The following KIF26B variants were observed in gnomAD, a reference collection of about 807,000 sequenced individuals.
The protein encoded by KIF26B is kinesin-like protein KIF26B.
KIF26B carries 63 observed loss-of-function variants against 151.2 expected under a neutral mutation model. The ratio of observed to expected loss-of-function variants is 0.42; its 90% confidence interval spans 0.34 to 0.51. The LOEUF (loss-of-function observed/expected upper bound fraction) is 0.51. KIF26B is among the 20% of genes least tolerant of loss of function. The probability of loss-of-function intolerance (pLI) is 0.07; values close to 1 mark genes in which losing one functional copy is unlikely to be tolerated. For synonymous variants in KIF26B, 1,357 were observed against 1,262.1 expected (o/e 1.08, Z -1.59); for missense variants, 2,813 against 2,913.6 (o/e 0.97, Z 0.79).
At chr1:245,622,784 G>A (rs556097704) in intron 9 of KIF26B, among the ~76,000 whole-genome samples, 1 of 152,264 alleles carries the variant, frequency 6.6e-6, no homozygotes, top group African/African-American at 2.4e-5. Context: ...CCAGAGGCCT[G>A]GAGGAGCAGC....
chr1:245,401,422 A>T (rs959967018), intron 3 of KIF26B, among the ~76,000 whole-genome samples: 2 of 152,198 alleles, frequency 1.3e-5, no homozygotes, highest in East Asian at 3.8e-4. Flanking sequence ...AACTTGCTGG[A>T]TATTATTGCC....
chr1:245,639,159 T>C (rs1446734636), intron 9 of KIF26B, among the ~76,000 whole-genome samples: 1 of 151,934 alleles, frequency 6.6e-6, no homozygotes, highest in Non-Finnish European at 1.5e-5. Context: ...TTACTTGTTA[T>C]TGGCCTATTC....
intron 4 of KIF26B, among the ~76,000 whole-genome samples, chr1:245,464,639 C>CGT (rs534068850): frequency 1.0e-4 from 11 of 107,576 alleles, no homozygotes; most frequent in East Asian, 2.7e-4. Flanking sequence ...TGTTTGGCAC[C>CGT]GTGTGTGTGG....
intron 3 of KIF26B, among the ~76,000 whole-genome samples, chr1:245,390,494 C>T (rs115013071): frequency 0.01 from 1,597 of 152,138 alleles, 27 homozygotes; most frequent in African/African-American, 0.037. Flanking sequence ...TGAGTCACTG[C>T]GCCCAGCCTA....
chr1:245,209,411 AACAAG>A (rs1386136321), intron 2 of KIF26B, among the ~76,000 whole-genome samples: 2 of 151,878 alleles, frequency 1.3e-5, no homozygotes, highest in African/African-American at 2.4e-5. Flanking sequence ...AAAAAAATAA[AACAAG>A]AAAAAAAATA....
In KIF26B at chr1:245,218,256, T is replaced by TG. The variant is rs1298919520; in HGVS notation, c.465+61577dup. 6.6e-6 allele frequency among the ~76,000 whole-genome samples: 1 copy of TG among 152,148 alleles called. No homozygotes were observed. The highest frequency in any genetic ancestry group is 2.4e-5 in the African/African-American group (1 of 41,422). ...GCAGACTGTGCCTGTGGCTTCTCAG[T>TG]GGGGTGCCTTAGGGTCCCCTCAGCA... is the stretch of plus-strand genomic sequence containing the variant. On this transcript the variant is annotated intron_variant, in intron 2 of 14. Transcript: ENST00000407071. The surrounding 1 kb of genome is among the most constrained non-coding windows in gnomAD (Gnocchi z 4.1).
chr1:245,235,415 G>T (rs1052589420), intron 2 of KIF26B, among the ~76,000 whole-genome samples: 1 of 151,720 alleles, frequency 6.6e-6, no homozygotes, highest in Non-Finnish European at 1.5e-5. Context: ...AACATAGCAA[G>T]ATCCTTTCCT....
chr1:245,499,902 T>C (rs1425909040), intron 4 of KIF26B, among the ~76,000 whole-genome samples: 1 of 152,214 alleles, frequency 6.6e-6, no homozygotes, highest in Non-Finnish European at 1.5e-5. Context: ...AACGGTCACT[T>C]TCCTAAGGGA....
rs115296103 is a variant in KIF26B, at chr1:245,173,442, T to C, written c.465+16759T>C. On this transcript the variant is annotated intron_variant, in intron 2 of 14. Coordinates refer to ENST00000407071, the MANE Select transcript of KIF26B (RefSeq NM_018012.4). The stretch of plus-strand genomic sequence containing the variant: ...TGACGGAAGTGATATCCCTGTGCAC[T>C]GGTCGCCCAGTGACGGCTCATGAGG... 3.7e-3 allele frequency among the ~76,000 whole-genome samples: 568 copies of C among 152,312 alleles called. 7 individuals carry two copies. The highest frequency in any genetic ancestry group is 0.013 in the African/African-American group (533 of 41,580).
At chr1:245,498,932 G>GT (rs762096457) in intron 4 of KIF26B, among the ~76,000 whole-genome samples, 4 of 152,162 alleles carry the variant, frequency 2.6e-5, no homozygotes, top group Non-Finnish European at 4.4e-5. Flanking sequence ...AAAATGGGAA[G>GT]TTTTTTTGTG....
chr1:245,381,897 G>A (rs1673419930), intron 3 of KIF26B, among the ~76,000 whole-genome samples: 1 of 152,152 alleles, frequency 6.6e-6, no homozygotes, highest in South Asian at 2.1e-4. Context: ...TGTGTCATAT[G>A]TCAGAATTTC....
chr1:245,367,474 A>G lies in KIF26B; in HGVS notation c.999+107A>G, dbSNP rs1485462682. ...TCCTCCCGGGAACCCTGTAACTCAG[A>G]GCCCAGTGTTTCCATGTGGCCCCCA... On this transcript the variant is annotated intron_variant, in intron 3 of 14. Transcript: ENST00000407071. This position sits in a 1 kb window ranked among gnomAD's most constrained non-coding sequence, Gnocchi z 4.2. 1.9e-6 allele frequency: 2 copies of G among 1,071,208 alleles called. No individual in the cohort carries two copies. Among genetic ancestry groups the G allele is most frequent in the Non-Finnish European group, 2.6e-6 (2 of 760,784 alleles). 66.4% of individuals were successfully genotyped at this position (1,071,208 alleles called of 1,614,324 possible).
intron 4 of KIF26B, among the ~76,000 whole-genome samples, chr1:245,475,849 T>C (rs1660025258): frequency 1.3e-5 from 2 of 151,862 alleles, no homozygotes; most frequent in Admixed American, 6.6e-5. Context: ...ACAGTCTGGC[T>C]GTTCCTCAAA....
intron 5 of KIF26B, among the ~76,000 whole-genome samples, chr1:245,561,294 G>C (rs2042946950): frequency 6.6e-6 from 1 of 152,206 alleles, no homozygotes; most frequent in Admixed American, 6.5e-5. Context: ...GGAACAGCCT[G>C]GGCAGCTACC....
At chr1:245,252,618 CT>C (rs1436107829) in intron 2 of KIF26B, among the ~76,000 whole-genome samples, 1 of 150,732 alleles carries the variant, frequency 6.6e-6, no homozygotes, top group Non-Finnish European at 1.5e-5. Context: ...ATTATCATGT[CT>C]GCAATTATGA....
intron 4 of KIF26B, among the ~76,000 whole-genome samples, chr1:245,476,707 T>G (rs1490548202): frequency 6.6e-6 from 1 of 151,446 alleles, no homozygotes; most frequent in Non-Finnish European, 1.5e-5. Flanking sequence ...AGCGATTTTT[T>G]GTAGACATGG....
chr1:245,685,073 C>A (rs889013110), intron 11 of KIF26B, among the ~76,000 whole-genome samples: 1 of 152,224 alleles, frequency 6.6e-6, no homozygotes, highest in Non-Finnish European at 1.5e-5. Context: ...CTTTAAATAG[C>A]GTTTCTTAAC....
chr1:245,561,959 C>T (rs554410475), intron 5 of KIF26B, among the ~76,000 whole-genome samples: 5 of 152,182 alleles, frequency 3.3e-5, no homozygotes, highest in Admixed American at 6.5e-5. Context: ...GCCTGATTTT[C>T]TTGCTGTGGA....
chr1:245,565,631 A>G (rs2043002266), intron 5 of KIF26B, among the ~76,000 whole-genome samples: 1 of 152,142 alleles, frequency 6.6e-6, no homozygotes, highest in Non-Finnish European at 1.5e-5. Context: ...TGTTGCTTGC[A>G]TGTGAGTTCT....
Sources: allele counts gnomAD v4.1 joint callset (sites outside exome capture counted in the v4.1 genomes callset), GRCh38; gene constraint gnomAD v4.1.1; non-coding constraint Gnocchi (gnomAD v3.1); transcripts MANE v1.5; gene names NCBI Gene and HGNC (gene_info 2026-07-23, HGNC 2026-07-21).